The following EARS2 variants were observed in gnomAD, a reference collection of about 807,000 sequenced individuals.
EARS2 encodes the protein glutamyl-tRNA synthetase 2, mitochondrial.
In EARS2, 50 loss-of-function variants were observed where a neutral mutation model predicts 54.1. That is an observed-to-expected ratio of 0.92 (90% CI 0.74 to 1.17). EARS2 has a LOEUF of 1.17. EARS2 is among the 50% of genes most tolerant of loss of function. The pLI is 0.00. For missense variants in EARS2, 673 were observed against 675.0 expected (o/e 1.00, Z 0.03); for synonymous variants, 298 against 281.0 (o/e 1.06, Z -0.61).
At chr16:23,538,008 G>T (rs775437052) in intron 3 of EARS2, among the ~76,000 whole-genome samples, 1 of 151,496 alleles carries the variant, frequency 6.6e-6, no homozygotes, top group Non-Finnish European at 1.5e-5. Context: ...TGTTGCGAAG[G>T]CTGGGCTCTA....
In EARS2 at chr16:23,540,800, C is replaced by A. The variant is rs192178419; in HGVS notation, c.485+3714G>T. On this transcript the variant is annotated intron_variant, in intron 3 of 8. Coordinates refer to ENST00000449606, the MANE Select transcript of EARS2 (RefSeq NM_001083614.2). ...GAGTTCAAGACCAGCCTGGGTAACACGGTGAAACCCCGTCTCTACTAAAAT... is the reference window on the plus strand; with the variant it reads ...GAGTTCAAGACCAGCCTGGGTAACAAGGTGAAACCCCGTCTCTACTAAAAT... Among the ~76,000 whole-genome samples, 36 of 152,060 alleles carry A rather than the reference C, an allele frequency of 2.4e-4. 1 individual carries two copies. Among genetic ancestry groups the A allele is most frequent in the South Asian group, 1.0e-3 (5 of 4,796 alleles).
intron 3 of EARS2, among the ~76,000 whole-genome samples, chr16:23,539,494 G>A (rs2142177864): frequency 6.6e-6 from 1 of 152,180 alleles, no homozygotes; most frequent in Admixed American, 6.5e-5. Flanking sequence ...TAGGGTTCTG[G>A]GTAGTTGTTA....
intron 3 of EARS2, among the ~76,000 whole-genome samples, chr16:23,543,504 T>G (rs1282890173): frequency 6.6e-6 from 1 of 151,616 alleles, no homozygotes; most frequent in African/African-American, 2.4e-5. Context: ...TCCTAACACT[T>G]TGGGAATCTG....
chr16:23,553,529 C>T (rs1245857639), intron 1 of EARS2, among the ~76,000 whole-genome samples: 3 of 151,670 alleles, frequency 2.0e-5, no homozygotes, highest in Admixed American at 1.3e-4. Flanking sequence ...GGCAGAGGCA[C>T]GAGGATCACC....
At chr16:23,533,739 G>A (rs913060316) in intron 4 of EARS2, among the ~76,000 whole-genome samples, 13 of 152,114 alleles carry the variant, frequency 8.5e-5, no homozygotes, top group African/African-American at 2.9e-4. Flanking sequence ...AAGCTTCCTA[G>A]CTGATTCCAA....
chr16:23,540,898 G>A (rs1341158645), intron 3 of EARS2, among the ~76,000 whole-genome samples: 2 of 152,162 alleles, frequency 1.3e-5, no homozygotes, highest in Admixed American at 1.3e-4. Context: ...GGCTGAGACA[G>A]GAGAATTGCT....
At chr16:23,525,058 A>G (rs2142159061) in intron 8 of EARS2, 186 bp downstream of exon 8, 2 of 724,566 alleles carry the variant, frequency 2.8e-6, no homozygotes, top group Middle Eastern at 2.7e-4. Flanking sequence ...TATTCACTGT[A>G]CCTAACACAA....
At chr16:23,555,774 T>C (rs75526851) in intron 1 of EARS2, among the ~76,000 whole-genome samples, 3 of 152,208 alleles carry the variant, frequency 2.0e-5, no homozygotes, top group Non-Finnish European at 4.4e-5. Context: ...CTGCAACCTC[T>C]TTCTCCTGGG....
intron 3 of EARS2, among the ~76,000 whole-genome samples, chr16:23,541,986 G>A (rs546283187): frequency 2.0e-5 from 3 of 152,076 alleles, no homozygotes; most frequent in Admixed American, 6.6e-5. Context: ...AGCCTCCCAA[G>A]TAGCTGGGAT....
intron 3 of EARS2, among the ~76,000 whole-genome samples, chr16:23,540,998 T>A (rs1321292004): frequency 1.4e-5 from 2 of 140,266 alleles, no homozygotes; most frequent in African/African-American, 5.4e-5. Flanking sequence ...CTCCAAAAAA[T>A]AAATAAATAA....
In EARS2 at chr16:23,557,199, G is replaced by A; in HGVS notation, c.139+6C>T. 1 of 1,509,608 alleles carries A rather than the reference G, an allele frequency of 6.6e-7. No individual in the cohort carries two copies. The highest frequency in any genetic ancestry group is 8.8e-7 in the Non-Finnish European group (1 of 1,138,254). The allele number at this position is 1,509,608 out of a possible 1,614,324, so 93.5% of individuals were successfully genotyped here. On this transcript the variant is annotated splice_donor_region_variant and intron_variant, in intron 1 of 8. Transcript: ENST00000449606. ...CGGCCTGTAGCGTCACGTCCGCCAG[G>A]GTTACCTGTGGGGCTGGGAGCGAAC...
chr16:23,545,625 G>A (rs138677429), intron 2 of EARS2, among the ~76,000 whole-genome samples: 17 of 152,138 alleles, frequency 1.1e-4, no homozygotes, highest in Non-Finnish European at 1.6e-4. Context: ...CACCGGAGCC[G>A]ATATTCTTAA....
At chr16:23,553,857 T>C (rs1471112258) in intron 1 of EARS2, among the ~76,000 whole-genome samples, 3 of 151,036 alleles carry the variant, frequency 2.0e-5, no homozygotes, top group African/African-American at 7.3e-5. Context: ...GATCGCACCA[T>C]TGCACTCCAG....
intron 3 of EARS2, among the ~76,000 whole-genome samples, chr16:23,540,704 G>A (rs1170852768): frequency 1.3e-5 from 2 of 151,938 alleles, no homozygotes; most frequent in Non-Finnish European, 2.9e-5. Flanking sequence ...TTGGGAGGCC[G>A]AGGCAGGTGG....
chr16:23,536,693 T>C (rs972011995), intron 3 of EARS2, among the ~76,000 whole-genome samples: 3 of 147,946 alleles, frequency 2.0e-5, no homozygotes, highest in Non-Finnish European at 4.5e-5. Flanking sequence ...TTTTTTTTTT[T>C]TTTTTTTGAG....
In EARS2 at chr16:23,522,582, A is replaced by G. The variant is rs1965156961; in HGVS notation, c.*1789T>C. 1 of 152,162 alleles carries G rather than the reference A, an allele frequency of 6.6e-6. No individual in the cohort carries two copies. Among genetic ancestry groups the G allele is most frequent in the Non-Finnish European group, 1.5e-5 (1 of 68,074 alleles). The allele number at this position is 152,162 out of a possible 1,614,324, so 9.4% of individuals were successfully genotyped here. On this transcript the variant is annotated 3_prime_UTR_variant, in exon 9 of 9. Transcript: ENST00000449606. Reference sequence around the variant, plus strand: ...AACCAACGAACTTAATGGATTCTGTATTAGAAAGAACTGGTATATTTCTTT... The same window carrying G: ...AACCAACGAACTTAATGGATTCTGTGTTAGAAAGAACTGGTATATTTCTTT...
chr16:23,536,851 T>G (rs1424602471), intron 3 of EARS2, among the ~76,000 whole-genome samples: 1 of 151,736 alleles, frequency 6.6e-6, no homozygotes, highest in East Asian at 2.0e-4. Flanking sequence ...ACCGGCTAAT[T>G]TTTATATTTT....
chr16:23,552,331 A>T, intron 1 of EARS2, 27 bp from the exon 2 acceptor site: 4 of 1,610,156 alleles, frequency 2.5e-6, no homozygotes, highest in Non-Finnish European at 3.4e-6. Flanking sequence ...CTCAGATAAG[A>T]CAGGGAAGAT....
intron 7 of EARS2, 71 bp downstream of exon 7, chr16:23,529,431 G>A: frequency 6.4e-7 from 1 of 1,557,146 alleles, no homozygotes; most frequent in Non-Finnish European, 8.7e-7. Context: ...CAGCCCTGAA[G>A]GAAAGAGAGC....
Sources: allele counts gnomAD v4.1 joint callset (sites outside exome capture counted in the v4.1 genomes callset), GRCh38; gene constraint gnomAD v4.1.1; transcripts MANE v1.5; gene names NCBI Gene and HGNC (gene_info 2026-07-23, HGNC 2026-07-21).